The following S100A8 variants were observed in gnomAD, a reference collection of about 807,000 sequenced individuals.
S100A8 encodes the protein protein S100-A8.
S100A8 carries 1 observed loss-of-function variant against 4.2 expected under a neutral mutation model. The ratio of observed to expected loss-of-function variants is 0.24; its 90% confidence interval spans 0.08 to 1.12. The LOEUF (loss-of-function observed/expected upper bound fraction) is 1.12. Ranked by LOEUF, S100A8 falls within the 50% of genes most tolerant of loss-of-function variation. The probability of loss-of-function intolerance (pLI) is 0.53; values close to 1 mark genes in which losing one functional copy is unlikely to be tolerated. For missense variants in S100A8, 96 were observed against 111.8 expected (o/e 0.86, Z 0.64); for synonymous variants, 41 against 44.7 (o/e 0.92, Z 0.33).
At chr1:153,420,706 A>C in the S100A8 span, 1 of 152,020 alleles carries the variant, frequency 6.6e-6, no homozygotes, top group Admixed American at 6.6e-5. Flanking sequence ...ATGTCTGACC[A>C]TTAGTTTTCT....
chr1:153,404,852 G>T, the S100A8 span, among the ~76,000 whole-genome samples: 1 of 152,028 alleles, frequency 6.6e-6, no homozygotes, highest in Non-Finnish European at 1.5e-5. Context: ...ACAGAAGGGC[G>T]GGAACCACGA....
At position 153,391,028 on chromosome 1, in the gene S100A8, C is replaced by T. The variant is rs1662084187; in HGVS notation, c.-23+13G>A. The T allele has an allele frequency of 3.0e-6, 3 of 987,800 alleles. No homozygotes were observed. 61.2% of individuals were successfully genotyped at this position (987,800 alleles called of 1,614,324 possible). On this transcript the variant is annotated intron_variant, in intron 1 of 2. Transcript: ENST00000368733. ...GCCCAAAGTGCGGGGCCAACCCAGA[C>T]AGTCCCACTTACCAGGTCTTCTGAA...
chr1:153,394,201 C>T (rs1411675425), upstream of S100A8, among the ~76,000 whole-genome samples: 4 of 152,198 alleles, frequency 2.6e-5, no homozygotes, highest in Non-Finnish European at 5.9e-5. Flanking sequence ...ACAGGTCCAT[C>T]CCTGAGGCCA....
At chr1:153,409,033 G>C in the S100A8 span, among the ~76,000 whole-genome samples, 2 of 152,192 alleles carry the variant, frequency 1.3e-5, no homozygotes, top group Non-Finnish European at 2.9e-5. Flanking sequence ...ATGCCAAACT[G>C]TAAAGACCAT....
At chr1:153,403,771 T>C in the S100A8 span, among the ~76,000 whole-genome samples, 1 of 152,182 alleles carries the variant, frequency 6.6e-6, no homozygotes, top group Non-Finnish European at 1.5e-5. Context: ...GCCAAATGTG[T>C]GGGGGTTATA....
At chr1:153,418,329 G>A in the S100A8 span, 207 of 1,480,024 alleles carry the variant, frequency 1.4e-4, no homozygotes, top group Non-Finnish European at 2.9e-5. Flanking sequence ...TGATTAAAAA[G>A]TTTCCCATTT....
upstream of S100A8, among the ~76,000 whole-genome samples, chr1:153,395,956 G>C (rs1376625237): frequency 2.0e-5 from 3 of 152,362 alleles, no homozygotes; most frequent in Admixed American, 2.0e-4. Context: ...GATGCTGTCG[G>C]AGCGGCATGT....
upstream of S100A8, among the ~76,000 whole-genome samples, chr1:153,393,928 C>G (rs1290343927): frequency 2.6e-5 from 4 of 152,188 alleles, no homozygotes; most frequent in Non-Finnish European, 5.9e-5. Context: ...CTTCCCACAT[C>G]ATGTACAGGC....
chr1:153,405,253 C>T, the S100A8 span, among the ~76,000 whole-genome samples: 3 of 151,722 alleles, frequency 2.0e-5, no homozygotes, highest in East Asian at 3.9e-4. Flanking sequence ...TCTGTGTATG[C>T]GGCCTCCGAG....
chr1:153,405,151 A>T, the S100A8 span, among the ~76,000 whole-genome samples: 1 of 151,784 alleles, frequency 6.6e-6, no homozygotes, highest in African/African-American at 2.4e-5. Flanking sequence ...TCGTCTTAAA[A>T]TTGGGCGAGA....
chr1:153,391,306 G>A (rs113326925), upstream of S100A8: 529 of 611,230 alleles, frequency 8.7e-4, 2 homozygotes, highest in African/African-American at 0.01. Flanking sequence ...AAGCAGGTAG[G>A]GGGGCTCTTT....
At position 153,390,504 on chromosome 1, in the gene S100A8, G is replaced by C; in HGVS notation, c.32C>G (p.Ser11Cys). ...GTACTTGTGGTAGACGTCGATGATA[G>C]AGTTCAAGGCTTTCTCCAGCTCGGT... MLTELEKALNSIIDVYHKYSL... is the reference protein window; with the variant it reads MLTELEKALNCIIDVYHKYSL... Residue 11 changes from serine (S) to cysteine (C), a missense_variant, in exon 2 of 3, where the codon TCT (serine) becomes TGT (cysteine). Coordinates refer to ENST00000368733, the MANE Select transcript of S100A8 (RefSeq NM_002964.5). The C allele has an allele frequency of 1.2e-6, 2 of 1,614,220 alleles. No homozygotes were observed. The highest frequency in any genetic ancestry group is 1.7e-6 in the Non-Finnish European group (2 of 1,180,038).
At chr1:153,394,863 G>A (rs567465713), upstream of S100A8, among the ~76,000 whole-genome samples, 79 of 152,042 alleles carry the variant, frequency 5.2e-4, no homozygotes, top group Admixed American at 1.2e-3. Context: ...AGTCCTGTGC[G>A]CAGGTGGTAT....
chr1:153,406,860 G>A, the S100A8 span, among the ~76,000 whole-genome samples: 1 of 152,170 alleles, frequency 6.6e-6, no homozygotes, highest in African/African-American at 2.4e-5. Flanking sequence ...CAGGGGAAAG[G>A]CTCACAGGGT....
the S100A8 span, among the ~76,000 whole-genome samples, chr1:153,404,854 G>C: frequency 6.6e-6 from 1 of 152,042 alleles, no homozygotes; most frequent in Admixed American, 6.6e-5. Context: ...AGAAGGGCGG[G>C]AACCACGAAG....
chr1:153,410,596 T>G, the S100A8 span, among the ~76,000 whole-genome samples: 1 of 151,848 alleles, frequency 6.6e-6, no homozygotes, highest in Admixed American at 6.6e-5. Flanking sequence ...TTCCAATCAA[T>G]AGAAAAAGAG....
the S100A8 span, chr1:153,417,990 G>A: frequency 6.4e-7 from 1 of 1,564,688 alleles, no homozygotes; most frequent in East Asian, 2.2e-5. Flanking sequence ...TCTGTCCTCA[G>A]CCCTCCTTCT....
the S100A8 span, among the ~76,000 whole-genome samples, chr1:153,410,888 A>T: frequency 6.6e-6 from 1 of 152,232 alleles, no homozygotes; most frequent in East Asian, 1.9e-4. Context: ...CCACATGATT[A>T]TCTCAATAGA....
At chr1:153,409,602 G>A in the S100A8 span, among the ~76,000 whole-genome samples, 1 of 151,894 alleles carries the variant, frequency 6.6e-6, no homozygotes, top group Non-Finnish European at 1.5e-5. Context: ...ATCCAGCTCT[G>A]CACCAAGCAG....
Sources: gnomAD v4.1 joint callset for allele counts (sites outside exome capture counted in the v4.1 genomes callset) on GRCh38, gnomAD v4.1.1 for gene constraint, MANE v1.5 for transcripts, NCBI Gene and HGNC (gene_info 2026-07-23, HGNC 2026-07-21) for gene names.